Variants in PCDH15 observed in about 807,000 individuals in gnomAD.
The protein encoded by PCDH15 is protocadherin-15.
In PCDH15, 129 loss-of-function variants were observed where a neutral mutation model predicts 178.5. The observed-to-expected ratio is 0.72, with a 90% confidence interval of 0.63 to 0.84. The LOEUF (loss-of-function observed/expected upper bound fraction) is 0.84. PCDH15 is among the 40% of genes least tolerant of loss of function. The pLI is 0.00. For synonymous variants in PCDH15, 800 were observed against 732.0 expected (o/e 1.09, Z -1.50); for missense variants, 2,230 against 2,099.9 (o/e 1.06, Z -1.21).
Position 53,822,383 on chromosome 10 carries a change from GGGA to G in PCDH15, c.4368-2156_4368-2154del, listed in dbSNP as rs928313592. On this transcript the variant is annotated intron_variant, in intron 32 of 37. Transcript: ENST00000644397. The stretch of plus-strand genomic sequence containing the variant: ...GAGGAAGAGGGATAGAAGGAGGAGA[GGGA>G]GGAGGACAAAAAAGAGAAAAAGGAG... 3.8e-6 allele frequency: 6 copies of G among 1,572,650 alleles called. 1 individual carries two copies. In the Admixed American group the frequency reaches 9.4e-5, roughly 25 times the overall value.
intron 18 of PCDH15, among the ~76,000 whole-genome samples, chr10:54,057,117 G>T (rs776256472): frequency 6.6e-6 from 1 of 152,148 alleles, no homozygotes; most frequent in Non-Finnish European, 1.5e-5. Context: ...ATGGGCTCAT[G>T]GGCTGGTGTT....
intron 11 of PCDH15, chr10:54,189,448 A>G: frequency 8.2e-7 from 1 of 1,217,128 alleles, no homozygotes; most frequent in East Asian, 2.8e-5. Context: ...GCACATATGA[A>G]GAAAAAGCAA....
chr10:54,000,584 A>G (rs1378805905), intron 20 of PCDH15, among the ~76,000 whole-genome samples: 1 of 152,016 alleles, frequency 6.6e-6, no homozygotes, highest in East Asian at 1.9e-4. Flanking sequence ...TTGACCAAGC[A>G]GAAGAAAGAA....
chr10:55,204,426 C>T (rs888079710), intron 1 of PCDH15, among the ~76,000 whole-genome samples: 2 of 151,804 alleles, frequency 1.3e-5, no homozygotes, highest in Non-Finnish European at 2.9e-5. Context: ...CCTTGAATCT[C>T]AGCATAGTTA....
intron 8 of PCDH15, among the ~76,000 whole-genome samples, chr10:54,304,986 T>C (rs897519594): frequency 1.3e-5 from 2 of 152,056 alleles, no homozygotes; most frequent in African/African-American, 4.8e-5. Context: ...GTAGTAATAT[T>C]CTTTCAGAAA....
At chr10:55,385,739 A>G (rs1006625226) in intron 2 of PCDH15, among the ~76,000 whole-genome samples, 1 of 145,106 alleles carries the variant, frequency 6.9e-6, no homozygotes, top group Non-Finnish European at 1.5e-5. Context: ...ATACACGTAT[A>G]TAGATATGCA....
At chr10:53,993,561 G>A (rs947212995) in intron 21 of PCDH15, among the ~76,000 whole-genome samples, 1 of 152,056 alleles carries the variant, frequency 6.6e-6, no homozygotes. Flanking sequence ...ATTTATAACA[G>A]TAACAGAGTA....
intron 3 of PCDH15, among the ~76,000 whole-genome samples, chr10:54,404,905 C>T (rs1012558962): frequency 3.3e-5 from 5 of 152,046 alleles, no homozygotes; most frequent in Admixed American, 1.3e-4. Context: ...ATCTCAACAT[C>T]CCTAATCATT....
intron 2 of PCDH15, among the ~76,000 whole-genome samples, chr10:55,571,669 A>T (rs1466356044): frequency 2.0e-5 from 3 of 152,134 alleles, no homozygotes; most frequent in Non-Finnish European, 4.4e-5. Flanking sequence ...TTCAAGTATT[A>T]CATTGACTTT....
At chr10:55,144,956 TAAGAG>T (rs889093774) in intron 2 of PCDH15, among the ~76,000 whole-genome samples, 1 of 151,886 alleles carries the variant, frequency 6.6e-6, no homozygotes, top group African/African-American at 2.4e-5. Flanking sequence ...CCATTCTTAA[TAAGAG>T]AAGAAAAAAG....
chr10:54,231,494 TGGGAGCCCCCACACAGAGTTCCCACTGGG>T (rs2054065660), intron 9 of PCDH15, among the ~76,000 whole-genome samples: 1 of 152,158 alleles, frequency 6.6e-6, no homozygotes, highest in Admixed American at 6.5e-5. Context: ...AAATGTGAGG[TGGGAGCCCCCACACAGAGTTCCCACTGGG>T]GCACTGCCTA....
chr10:54,985,870 T>C (rs1398032539), intron 2 of PCDH15, among the ~76,000 whole-genome samples: 1 of 152,214 alleles, frequency 6.6e-6, no homozygotes, highest in Non-Finnish European at 1.5e-5. Flanking sequence ...AACACACTTT[T>C]ACCATCTCAC....
At chr10:54,571,104 C>T (rs2089772761) in intron 2 of PCDH15, among the ~76,000 whole-genome samples, 1 of 151,956 alleles carries the variant, frequency 6.6e-6, no homozygotes, top group South Asian at 2.1e-4. Flanking sequence ...ACAGACTTTC[C>T]ATGTAGACAG....
chr10:54,674,912 T>C (rs538963893), intron 1 of PCDH15, among the ~76,000 whole-genome samples: 3 of 152,194 alleles, frequency 2.0e-5, no homozygotes, highest in African/African-American at 7.2e-5. Flanking sequence ...TTCTTTATGT[T>C]TGAGGGGCAA....
At chr10:54,300,226 T>G (rs2060066349) in intron 8 of PCDH15, among the ~76,000 whole-genome samples, 1 of 152,212 alleles carries the variant, frequency 6.6e-6, no homozygotes, top group Non-Finnish European at 1.5e-5. Context: ...AAAAGGCTTC[T>G]GAAATCAAAC....
intron 15 of PCDH15, among the ~76,000 whole-genome samples, chr10:54,122,243 C>T (rs1351434890): frequency 1.3e-5 from 2 of 152,120 alleles, no homozygotes; most frequent in Non-Finnish European, 2.9e-5. Flanking sequence ...GATCCGATCA[C>T]ATGAACACAA....
intron 3 of PCDH15, among the ~76,000 whole-genome samples, chr10:54,445,323 G>A (rs1474332057): frequency 6.6e-6 from 1 of 151,250 alleles, no homozygotes. Context: ...TTAGTAGGAG[G>A]TAGAAGTAAA....
intron 3 of PCDH15, among the ~76,000 whole-genome samples, chr10:54,395,443 CA>C (rs1462499569): frequency 1.3e-5 from 2 of 151,540 alleles, no homozygotes; most frequent in African/African-American, 4.9e-5. Flanking sequence ...CACACACACA[CA>C]CACACCCACA....
chr10:54,699,420 T>C (rs1283814818), intron 1 of PCDH15, among the ~76,000 whole-genome samples: 1 of 152,134 alleles, frequency 6.6e-6, no homozygotes, highest in East Asian at 1.9e-4. Flanking sequence ...TAAGTGACTC[T>C]ATCAAGACCC....
Sources: allele counts gnomAD v4.1 joint callset (sites outside exome capture counted in the v4.1 genomes callset), GRCh38; gene constraint gnomAD v4.1.1; transcripts MANE v1.5; gene names NCBI Gene and HGNC (gene_info 2026-07-23, HGNC 2026-07-21).